Variants in KCNAB1 observed in about 807,000 individuals in gnomAD.
The protein encoded by KCNAB1 is potassium voltage-gated channel subfamily A regulatory beta subunit 1.
In KCNAB1, 35 loss-of-function variants were observed where a neutral mutation model predicts 64.6. That is an observed-to-expected ratio of 0.54 (90% CI 0.41 to 0.72). The LOEUF is 0.72. KCNAB1 is among the 30% of genes least tolerant of loss of function. KCNAB1 has a pLI of 0.00. For missense variants in KCNAB1, 401 were observed against 512.9 expected (o/e 0.78, Z 2.11); for synonymous variants, 177 against 183.8 (o/e 0.96, Z 0.30).
intron 1 of KCNAB1, among the ~76,000 whole-genome samples, chr3:156,204,536 T>G (rs1358282609): frequency 6.6e-6 from 1 of 152,064 alleles, no homozygotes. Flanking sequence ...TGAATAGAAA[T>G]AAGGGGCAAG....
chr3:156,428,676 A>G (rs1196358529), intron 2 of KCNAB1, among the ~76,000 whole-genome samples: 1 of 152,188 alleles, frequency 6.6e-6, no homozygotes, highest in Non-Finnish European at 1.5e-5. Flanking sequence ...AACCTAAGTA[A>G]GGAGTAATGT....
chr3:156,522,849 TAC>T (rs1718047463), intron 11 of KCNAB1, among the ~76,000 whole-genome samples: 2 of 152,056 alleles, frequency 1.3e-5, no homozygotes, highest in African/African-American at 4.8e-5. Flanking sequence ...ATGTCACAAT[TAC>T]ACGCAAGAGA....
chr3:156,148,448 G>A (rs922546752), intron 1 of KCNAB1, among the ~76,000 whole-genome samples: 1 of 152,322 alleles, frequency 6.6e-6, no homozygotes, highest in East Asian at 1.9e-4. Flanking sequence ...AGAAACCAAA[G>A]AGCAAGTAGG....
chr3:156,212,824 G>A (rs1253891692), intron 1 of KCNAB1, among the ~76,000 whole-genome samples: 1 of 152,212 alleles, frequency 6.6e-6, no homozygotes, highest in East Asian at 1.9e-4. Flanking sequence ...GGGCAAGAGG[G>A]AAGGTGGTGA....
intron 2 of KCNAB1, among the ~76,000 whole-genome samples, chr3:156,443,593 A>C (rs1216842465): frequency 6.6e-6 from 1 of 152,198 alleles, no homozygotes; most frequent in Non-Finnish European, 1.5e-5. Context: ...TAAAGCACCT[A>C]GCACCGAAGG....
intron 1 of KCNAB1, among the ~76,000 whole-genome samples, chr3:156,266,542 A>G (rs1718724749): frequency 1.3e-5 from 2 of 152,220 alleles, no homozygotes; most frequent in South Asian, 4.1e-4. Flanking sequence ...TTGATTAACT[A>G]TGGACTAAAG....
At chr3:156,353,056 G>A (rs187781289) in intron 1 of KCNAB1, among the ~76,000 whole-genome samples, 2 of 152,348 alleles carry the variant, frequency 1.3e-5, no homozygotes, top group East Asian at 1.9e-4. Context: ...TTAGATTATT[G>A]TAGCACATAC....
chr3:156,265,977 C>A (rs898677446), intron 1 of KCNAB1, among the ~76,000 whole-genome samples: 1 of 151,936 alleles, frequency 6.6e-6, no homozygotes, highest in East Asian at 1.9e-4. Context: ...GGTGACACAG[C>A]GAGATTCTGT....
chr3:156,137,553 T>C (rs76444164), intron 1 of KCNAB1, among the ~76,000 whole-genome samples: 1 of 126,716 alleles, frequency 7.9e-6, no homozygotes, highest in Non-Finnish European at 1.7e-5. Flanking sequence ...AAACTTCCTC[T>C]TTTTTTTTTT....
At chr3:156,534,058 C>T (rs1024131079) in intron 13 of KCNAB1, among the ~76,000 whole-genome samples, 1 of 152,142 alleles carries the variant, frequency 6.6e-6, no homozygotes, top group Non-Finnish European at 1.5e-5. Flanking sequence ...GCTACCATTG[C>T]GGGCTTACCA....
chr3:156,445,242 G>A (rs1717321662), intron 2 of KCNAB1, among the ~76,000 whole-genome samples: 1 of 152,180 alleles, frequency 6.6e-6, no homozygotes, highest in South Asian at 2.1e-4. Context: ...GTTGCAGTGA[G>A]CCCAGATTGT....
At chr3:156,240,101 C>T (rs568436714) in intron 1 of KCNAB1, among the ~76,000 whole-genome samples, 2 of 152,286 alleles carry the variant, frequency 1.3e-5, no homozygotes, top group African/African-American at 4.8e-5. Flanking sequence ...ACAATAGACA[C>T]GTTTTATGAC....
chr3:156,350,664 C>A (rs773989303), intron 1 of KCNAB1, among the ~76,000 whole-genome samples: 2 of 152,146 alleles, frequency 1.3e-5, no homozygotes, highest in Admixed American at 6.5e-5. Flanking sequence ...TGCTTCATAA[C>A]CTTTGCCTCC....
At chr3:156,175,727 T>A (rs1477393667) in intron 1 of KCNAB1, 1 of 542,088 alleles carries the variant, frequency 1.8e-6, no homozygotes, top group Non-Finnish European at 3.5e-6. Flanking sequence ...TTTTGGAATA[T>A]GGCCACCACC....
Position 156,523,832 on chromosome 3 carries a change from C to T in KCNAB1, c.966C>T (p.Tyr322=), listed in dbSNP as rs1423876478. ...PESSRASLKC[Y]QWLKERIVSE... is the part of the protein sequence containing the mutation. ...AATGTTATGCTTTTCCCCAGTGCTACCAGTGGTTGAAAGAAAGAATTGTAA... is the reference window on the plus strand; with the variant it reads ...AATGTTATGCTTTTCCCCAGTGCTATCAGTGGTTGAAAGAAAGAATTGTAA... Residue 322 remains tyrosine (Y), a synonymous_variant, in exon 12 of 14, where the codon TAC becomes TAT. Transcript: ENST00000490337. 6.2e-7 allele frequency: 1 copy of T among 1,612,536 alleles called. No individual in the cohort carries two copies. Among genetic ancestry groups the T allele is most frequent in the Non-Finnish European group, 8.5e-7 (1 of 1,178,988 alleles).
intron 1 of KCNAB1, among the ~76,000 whole-genome samples, chr3:156,153,449 T>A (rs1715534505): frequency 6.6e-6 from 1 of 152,198 alleles, no homozygotes; most frequent in Admixed American, 6.5e-5. Flanking sequence ...ATTCATTAAG[T>A]TTGTGATGAT....
At chr3:156,323,043 G>A (rs2108028973) in intron 1 of KCNAB1, among the ~76,000 whole-genome samples, 1 of 152,258 alleles carries the variant, frequency 6.6e-6, no homozygotes, top group East Asian at 1.9e-4. Flanking sequence ...GCACCAATCA[G>A]CAACACCTTT....
intron 1 of KCNAB1, among the ~76,000 whole-genome samples, chr3:156,179,416 A>ACCCCCCCCCCCC (rs1284524252): frequency 1.3e-5 from 1 of 75,944 alleles, no homozygotes; most frequent in African/African-American, 4.7e-5. Context: ...CTGGTTTGGA[A>ACCCCCCCCCCCC]CCCCCCCCCC....
chr3:156,310,458 A>T (rs1370222412), intron 1 of KCNAB1, among the ~76,000 whole-genome samples: 1 of 152,154 alleles, frequency 6.6e-6, no homozygotes, highest in Non-Finnish European at 1.5e-5. Flanking sequence ...TGCAAGCTAC[A>T]GACTTCTGGG....
Sources: allele counts gnomAD v4.1 joint callset (sites outside exome capture counted in the v4.1 genomes callset), GRCh38; gene constraint gnomAD v4.1.1; transcripts MANE v1.5; gene names NCBI Gene and HGNC (gene_info 2026-07-23, HGNC 2026-07-21).